The following ASTL variants were observed in gnomAD, a reference collection of about 807,000 sequenced individuals.
The protein encoded by ASTL is astacin like metalloendopeptidase.
In ASTL, 27 loss-of-function variants were observed where a neutral mutation model predicts 36.7. The observed-to-expected ratio is 0.73, with a 90% CI of 0.54 to 1.01. The LOEUF is 1.01. Ranked by LOEUF, ASTL falls within the 50% of genes least tolerant of loss-of-function variation. The pLI is 0.00. For missense variants in ASTL, 524 were observed against 572.8 expected, an observed-to-expected ratio of 0.91 and a Z score of 0.87; for synonymous variants, 222 against 228.1, an observed-to-expected ratio of 0.97 and a Z score of 0.24.
chr2:96,138,356 G>A, intron 1 of ASTL, 26 bp downstream of exon 1: 1 of 1,595,524 alleles, frequency 6.3e-7, no homozygotes, highest in Non-Finnish European at 8.6e-7. Context: ...GGAGCCAGCA[G>A]CAGGAGGGAC....
In ASTL at chr2:96,132,532, T is replaced by A. The variant is rs768248187; in HGVS notation, c.637+8A>T. On this transcript the variant is annotated splice_region_variant and intron_variant, in intron 6 of 8. Coordinates refer to ENST00000342380, the MANE Select transcript of ASTL (RefSeq NM_001002036.4). This position sits in a 1 kb window ranked among gnomAD's most constrained non-coding sequence, Gnocchi z 5.4. ...GCACCAGCCTGTCCTGCGTGTGGCC[T>A]GGCTCACCTGGCAGGATCTCGTTCC... 1 of 1,587,102 alleles carries A rather than the reference T, an allele frequency of 6.3e-7. No individual in the cohort carries two copies. Among genetic ancestry groups the A allele is most frequent in the South Asian group, 1.1e-5 (1 of 89,572 alleles).
At chr2:96,129,418 G>A (rs968013346) in intron 8 of ASTL, among the ~76,000 whole-genome samples, 2 of 152,064 alleles carry the variant, frequency 1.3e-5, no homozygotes, top group African/African-American at 4.8e-5. Context: ...CATCTATTAT[G>A]AACGATTTTT....
At chr2:96,128,296 A>C (rs188888222) in intron 8 of ASTL, among the ~76,000 whole-genome samples, 129 of 152,268 alleles carry the variant, frequency 8.5e-4, no homozygotes, top group South Asian at 2.3e-3. Flanking sequence ...CCTTTGGACA[A>C]AGTTATAATT....
chr2:96,138,228 A>G (rs1682345227), intron 1 of ASTL, among the ~76,000 whole-genome samples, 154 bp downstream of exon 1: 1 of 152,148 alleles, frequency 6.6e-6, no homozygotes, highest in South Asian at 2.1e-4. Flanking sequence ...TTGGCCCCCC[A>G]GGAGCTGACT....
rs375008194 is a variant in ASTL at position 96,132,601 on chromosome 2, G to A, written c.576C>T (p.His192=). ...HELMHVLGFW[H]EHTRADRDRY... ...GGTCCCGGTCGGCCCGCGTGTGCTC[G>A]TGCCAGAAGCCCAGCACATGCATGA... The change falls in exon 6 of 9, where the codon CAC becomes CAT. Residue 192 remains histidine (H), a synonymous_variant. Transcript: ENST00000342380. This position sits in a 1 kb window ranked among gnomAD's most constrained non-coding sequence, Gnocchi z 5.4. 14 of 1,612,952 alleles carry A rather than the reference G, an allele frequency of 8.7e-6. No individual in the cohort carries two copies. Among genetic ancestry groups the A allele is most frequent in the Admixed American group, 3.3e-5 (2 of 60,002 alleles).
intron 8 of ASTL, 105 bp downstream of exon 8, chr2:96,129,719 C>A: frequency 1.7e-6 from 2 of 1,175,612 alleles, no homozygotes; most frequent in East Asian, 2.5e-5. Flanking sequence ...TGATCTCACC[C>A]TGCTCCCCCT....
chr2:96,137,711 CAG>C lies in ASTL; in HGVS notation c.56-13_56-12del. On this transcript the variant is annotated splice_polypyrimidine_tract_variant and intron_variant, in intron 1 of 8. Transcript: ENST00000342380. ...CTCCTAGGATCACACCTGGTCCAGA[CAG>C]ACAGGGGCATACACAGATGCCTGGA... The C allele has an allele frequency of 6.2e-7, 1 of 1,609,452 alleles. No homozygotes were observed. The highest frequency in any genetic ancestry group is 8.5e-7 in the Non-Finnish European group (1 of 1,177,984).
At chr2:96,131,354 T>C (rs943826678) in intron 6 of ASTL, among the ~76,000 whole-genome samples, 4 of 152,214 alleles carry the variant, frequency 2.6e-5, no homozygotes, top group African/African-American at 9.6e-5. Flanking sequence ...TTTTTTTCAA[T>C]TTCTGAATAG....
Position 96,132,795 on chromosome 2 carries a change from T to C in ASTL, c.456-74A>G. 1.4e-6 allele frequency: 2 copies of C among 1,382,288 alleles called. No homozygotes were observed. Among genetic ancestry groups the C allele is most frequent in the South Asian group, 2.7e-5 (2 of 73,878 alleles). 85.6% of individuals were successfully genotyped at this position (1,382,288 alleles called of 1,614,324 possible). On this transcript the variant is annotated intron_variant, in intron 5 of 8. Coordinates refer to ENST00000342380, the MANE Select transcript of ASTL (RefSeq NM_001002036.4). This position sits in a 1 kb window ranked among gnomAD's most constrained non-coding sequence, Gnocchi z 5.4. Reference sequence around the variant, plus strand: ...CGGACATACAGACCTGGGCTCTCCCTCCCCACACAACACAAGATAGACAAA... The same window carrying C: ...CGGACATACAGACCTGGGCTCTCCCCCCCCACACAACACAAGATAGACAAA...
intron 8 of ASTL, among the ~76,000 whole-genome samples, chr2:96,127,355 C>T (rs931432410): frequency 6.6e-6 from 1 of 152,194 alleles, no homozygotes; most frequent in African/African-American, 2.4e-5. Context: ...AAAGTGGTTG[C>T]AGCCACTCAT....
Position 96,123,104 on chromosome 2 carries a change from A to G in ASTL, c.*746T>C, listed in dbSNP as rs942352751. 6.6e-6 allele frequency among the ~76,000 whole-genome samples: 1 copy of G among 152,198 alleles called. No homozygotes were observed. The highest frequency in any genetic ancestry group is 2.4e-5 in the African/African-American group (1 of 41,448). On this transcript the variant is annotated 3_prime_UTR_variant, in exon 9 of 9. Transcript: ENST00000342380. ...AGGAAGGGGGCTTTCCTGGAGGAGGACAAGCCAGGTAACCCCAGCCCTTTC... is the reference window on the plus strand; with the variant it reads ...AGGAAGGGGGCTTTCCTGGAGGAGGGCAAGCCAGGTAACCCCAGCCCTTTC...
At chr2:96,137,884 T>C (rs1573918280) in intron 1 of ASTL, 184 bp from the exon 2 acceptor site, 1 of 592,002 alleles carries the variant, frequency 1.7e-6, no homozygotes, top group Non-Finnish European at 2.9e-6. Flanking sequence ...GGTGCCAAGG[T>C]CTAGATGACC....
In ASTL at chr2:96,124,019, G is replaced by T; in HGVS notation, c.1127C>A (p.Ala376Glu). The change falls in exon 9 of 9, where the codon GCA (alanine) becomes GAA (glutamate). Residue 376 changes from alanine (A) to glutamate (E), a missense_variant. By Grantham distance (107) the Ala-to-Glu change is moderately radical (BLOSUM62 -1). Transcript: ENST00000342380. This position sits in a 1 kb window ranked among gnomAD's most constrained non-coding sequence, Gnocchi z 4.1. ...CTCCTGAGCAACACCGGGGGCACCT[G>T]CTCCAGGCCTTGATCTTGGGGAGGA... ...LASSPRSRPGAGAPGVAQEQS... is the reference protein window; with the variant it reads ...LASSPRSRPGEGAPGVAQEQS... The T allele has an allele frequency of 6.2e-7, 1 of 1,614,036 alleles. No homozygotes were observed.
Position 96,129,982 on chromosome 2 carries a change from G to A in ASTL, c.720-4C>T. On this transcript the variant is annotated splice_region_variant and splice_polypyrimidine_tract_variant and intron_variant, in intron 7 of 8. Coordinates refer to ENST00000342380, the MANE Select transcript of ASTL (RefSeq NM_001002036.4). The stretch of plus-strand genomic sequence containing the variant: ...CCCACGCCGGCTGAAGGCGAGCCTG[G>A]AACCCAGCGGGAGACCCCTGAGTCC... The A allele has an allele frequency of 6.2e-7, 1 of 1,605,554 alleles. No individual in the cohort carries two copies. The highest frequency in any genetic ancestry group is 8.5e-7 in the Non-Finnish European group (1 of 1,173,010).
At chr2:96,128,743 C>A (rs138377514) in intron 8 of ASTL, among the ~76,000 whole-genome samples, 1 of 152,200 alleles carries the variant, frequency 6.6e-6, no homozygotes, top group Non-Finnish European at 1.5e-5. Flanking sequence ...GATGTCTTGG[C>A]TATTATTGAC....
chr2:96,137,520 T>G (rs1378946582), intron 2 of ASTL, 55 bp downstream of exon 2: 1 of 1,580,118 alleles, frequency 6.3e-7, no homozygotes, highest in Non-Finnish European at 8.7e-7. Flanking sequence ...GGTGTGGTTT[T>G]CACACTACAT....
At chr2:96,130,024 G>A (rs1327770829) in intron 7 of ASTL, 40 bp downstream of exon 7, 1 of 1,613,484 alleles carries the variant, frequency 6.2e-7, no homozygotes, top group African/African-American at 1.3e-5. Context: ...CCACGGGAGA[G>A]GCTGGGGGAA....
rs767473147 is a variant in ASTL at position 96,123,845 on chromosome 2, C to T, written c.*5G>A. 2 of 1,610,148 alleles carry T rather than the reference C, an allele frequency of 1.2e-6. No homozygotes were observed. The highest frequency in any genetic ancestry group is 1.7e-5 in the Admixed American group (1 of 59,860). On this transcript the variant is annotated 3_prime_UTR_variant, in exon 9 of 9. Coordinates refer to ENST00000342380, the MANE Select transcript of ASTL (RefSeq NM_001002036.4). The stretch of plus-strand genomic sequence containing the variant: ...CCTCCCTACTTGGGGACAGAAGCCA[C>T]AGGCTTAATCTTCGGACATCCCCTT...
chr2:96,133,837 T>C (rs1682237840), intron 4 of ASTL, 128 bp downstream of exon 4: 2 of 722,030 alleles, frequency 2.8e-6, no homozygotes, highest in South Asian at 3.1e-5. Flanking sequence ...AGGGCATCTG[T>C]GGACAGGTTC....
Sources: gnomAD v4.1 joint callset for allele counts (sites outside exome capture counted in the v4.1 genomes callset) on GRCh38, gnomAD v4.1.1 for gene constraint, Gnocchi (gnomAD v3.1) non-coding constraint, MANE v1.5 for transcripts, NCBI Gene and HGNC (gene_info 2026-07-23, HGNC 2026-07-21) for gene names.